CLOCK: variants seen among roughly 807,000 people sequenced by gnomAD.
CLOCK encodes circadian locomoter output cycles protein kaput.
CLOCK carries 43 observed loss-of-function variants against 118.4 expected under a neutral mutation model. The observed-to-expected ratio is 0.36, with a 90% CI of 0.28 to 0.47. The LOEUF (loss-of-function observed/expected upper bound fraction) is 0.47, where lower values mean the gene tolerates loss of function less well. Among genes scored for constraint, CLOCK ranks in the 20% least tolerant of loss-of-function variants. The pLI is 1.00. For missense variants in CLOCK, 846 were observed against 999.9 expected, an observed-to-expected ratio of 0.85 and a Z score of 2.08; for synonymous variants, 326 against 339.2, an observed-to-expected ratio of 0.96 and a Z score of 0.43.
Position 55,442,645 on chromosome 4 carries a change from T to C in CLOCK, c.1903-11A>G, listed in dbSNP as rs1560415552. ...TACATTTTGTTGACTCTGTTAAAAA[T>C]AAAGAGATTTTATAGACAGATTAAC... On this transcript the variant is annotated splice_polypyrimidine_tract_variant and intron_variant, in intron 20 of 22. Transcript: ENST00000513440. 6.2e-7 allele frequency: 1 copy of C among 1,605,954 alleles called. No individual in the cohort carries two copies. The highest frequency in any genetic ancestry group is 1.7e-5 in the Admixed American group (1 of 59,830).
At chr4:55,449,866 C>T (rs1249891246) in intron 16 of CLOCK, among the ~76,000 whole-genome samples, 2 of 152,118 alleles carry the variant, frequency 1.3e-5, no homozygotes, top group Non-Finnish European at 2.9e-5. Context: ...TTAAAAACAT[C>T]ACCATCACCA....
chr4:55,442,240 G>C, intron 21 of CLOCK, 192 bp downstream of exon 21: 1 of 584,220 alleles, frequency 1.7e-6, no homozygotes, highest in Non-Finnish European at 3.0e-6. Flanking sequence ...AAAAAAATTT[G>C]TTGTTACCCT....
intron 9 of CLOCK, among the ~76,000 whole-genome samples, chr4:55,462,552 T>G (rs1474453748): frequency 6.6e-6 from 1 of 152,330 alleles, no homozygotes; most frequent in East Asian, 1.9e-4. Flanking sequence ...GTGCTGGGAT[T>G]ACAGGCATGA....
At chr4:55,443,407 G>A (rs1415708699) in intron 20 of CLOCK, among the ~76,000 whole-genome samples, 4 of 150,892 alleles carry the variant, frequency 2.7e-5, no homozygotes, top group Non-Finnish European at 5.9e-5. Flanking sequence ...CCCAGGAGGC[G>A]GAGGTTGCAG....
intron 1 of CLOCK, chr4:55,540,597 G>C (rs1258046261): frequency 6.6e-6 from 1 of 152,052 alleles, no homozygotes; most frequent in Non-Finnish European, 1.5e-5. Context: ...TGGACCTTGA[G>C]AGCTTGCTCG....
At chr4:55,545,418 T>C (rs1414747825) in intron 1 of CLOCK, 1 of 152,188 alleles carries the variant, frequency 6.6e-6, no homozygotes, top group African/African-American at 2.4e-5. Context: ...CGCTTAAAGC[T>C]ACAAATCAGA....
At chr4:55,543,254 T>G (rs919281412) in intron 1 of CLOCK, among the ~76,000 whole-genome samples, 51 of 152,118 alleles carry the variant, frequency 3.4e-4, no homozygotes, top group Non-Finnish European at 7.4e-5. Flanking sequence ...TGCAAATGCC[T>G]CCATAACAAT....
intron 7 of CLOCK, among the ~76,000 whole-genome samples, chr4:55,473,058 T>C (rs1726256359): frequency 3.3e-5 from 5 of 152,104 alleles, no homozygotes; most frequent in Admixed American, 2.0e-4. Context: ...AGCTCGTCTC[T>C]ACTAAAAATA....
chr4:55,511,653 CTT>C (rs543339479), intron 1 of CLOCK, among the ~76,000 whole-genome samples: 125 of 152,280 alleles, frequency 8.2e-4, no homozygotes, highest in African/African-American at 2.9e-3. Flanking sequence ...AGGCTTCACT[CTT>C]AGTGCTGTAC....
At chr4:55,453,234 G>A in intron 14 of CLOCK, 105 bp from the exon 15 acceptor site, 1 of 942,374 alleles carries the variant, frequency 1.1e-6, no homozygotes, top group East Asian at 2.5e-5. Context: ...TGTTCATCTA[G>A]ACTATTTGCT....
intron 1 of CLOCK, among the ~76,000 whole-genome samples, chr4:55,539,345 G>T (rs527278054): frequency 6.6e-6 from 1 of 152,152 alleles, no homozygotes; most frequent in African/African-American, 2.4e-5. Flanking sequence ...AGGCCAAGGT[G>T]GGGGGATCTC....
At chr4:55,457,412 T>C (rs552939494) in intron 11 of CLOCK, among the ~76,000 whole-genome samples, 44 of 152,196 alleles carry the variant, frequency 2.9e-4, no homozygotes, top group Non-Finnish European at 5.7e-4. Context: ...CTTGAGTGCA[T>C]TGGTTTAGAC....
chr4:55,438,413 G>C lies in CLOCK; in HGVS notation c.2230C>G (p.Gln744Glu). 6.2e-7 allele frequency: 1 copy of C among 1,613,914 alleles called. No homozygotes were observed. The highest frequency in any genetic ancestry group is 1.1e-5 in the South Asian group (1 of 91,070). ...VVTAYPTFAT[Q>E]QQQSQTLSVT... ...GACAATGTCTGTGACTGTTGCTGTT[G>C]TGTAGCAAAAGTAGGATATGCAGTC... The change falls in exon 22 of 23, where the codon CAA becomes GAA. Residue 744 changes from glutamine to glutamate, a missense_variant. By Grantham distance (29) the Gln-to-Glu change is conservative. This residue lies in a region of CLOCK where 520 missense variants were observed against 558.0 expected (regional missense o/e 0.93). Coordinates refer to ENST00000513440, the MANE Select transcript of CLOCK (RefSeq NM_004898.4).
At chr4:55,449,599 A>AT in intron 16 of CLOCK, 103 bp from the exon 17 acceptor site, 1 of 1,001,092 alleles carries the variant, frequency 1.0e-6, no homozygotes, top group Non-Finnish European at 1.5e-6. Flanking sequence ...CTTTTGAATT[A>AT]TTTTTCCAAA....
chr4:55,451,039 T>TA (rs929713996), intron 15 of CLOCK, among the ~76,000 whole-genome samples: 27 of 142,612 alleles, frequency 1.9e-4, no homozygotes, highest in South Asian at 4.5e-4. Flanking sequence ...TCTCTCAACT[T>TA]AAAAAAAAAA....
At chr4:55,522,413 A>T (rs1239391371) in intron 1 of CLOCK, among the ~76,000 whole-genome samples, 3 of 152,082 alleles carry the variant, frequency 2.0e-5, no homozygotes, top group Admixed American at 2.0e-4. Flanking sequence ...ACCACAGAAG[A>T]TTAGTATCCA....
At chr4:55,544,795 CCCTCT>C (rs1425733321) in intron 1 of CLOCK, among the ~76,000 whole-genome samples, 2 of 152,140 alleles carry the variant, frequency 1.3e-5, no homozygotes, top group Non-Finnish European at 2.9e-5. Flanking sequence ...GACTATTTCT[CCCTCT>C]CCTCTATTGT....
chr4:55,505,158 C>A (rs571839992), intron 2 of CLOCK, among the ~76,000 whole-genome samples: 13 of 98,334 alleles, frequency 1.3e-4, no homozygotes, highest in South Asian at 6.1e-4. Context: ...CTCACCCCCC[C>A]ACCAAAAAAA....
At chr4:55,472,507 T>C (rs1307464618) in intron 7 of CLOCK, among the ~76,000 whole-genome samples, 2 of 152,164 alleles carry the variant, frequency 1.3e-5, no homozygotes, top group African/African-American at 2.4e-5. Context: ...TCTATTAAAA[T>C]GGTCAATACA....
Sources: gnomAD v4.1 joint callset for allele counts (sites outside exome capture counted in the v4.1 genomes callset) on GRCh38, gnomAD v4.1.1 for gene constraint, gnomAD v4.1.1 regional missense constraint, MANE v1.5 for transcripts, NCBI Gene and HGNC (gene_info 2026-07-23, HGNC 2026-07-21) for gene names.